The following SYTL3 variants were observed in gnomAD, a reference collection of about 807,000 sequenced individuals.
SYTL3 encodes the protein synaptotagmin like 3, also known as synaptotagmin-like protein 3.
A neutral mutation model predicts 82.1 loss-of-function variants in SYTL3; 88 were observed. That is an observed-to-expected ratio of 1.07 (90% CI 0.90 to 1.28). The LOEUF (loss-of-function observed/expected upper bound fraction) is 1.28. SYTL3 is among the 50% of genes most tolerant of loss of function. The probability of loss-of-function intolerance (pLI) is 0.00; values close to 1 mark genes in which losing one functional copy is unlikely to be tolerated. For missense variants in SYTL3, 831 were observed against 757.6 expected, an observed-to-expected ratio of 1.10 and a Z score of -1.14; for synonymous variants, 311 against 289.4, an observed-to-expected ratio of 1.07 and a Z score of -0.76.
At chr6:158,648,749 G>A (rs902346236), upstream of SYTL3, among the ~76,000 whole-genome samples, 3 of 151,908 alleles carry the variant, frequency 2.0e-5, no homozygotes, top group African/African-American at 7.3e-5. Flanking sequence ...ATCATGCTGA[G>A]TCAAAATAAT....
chr6:158,663,378 G>C lies in SYTL3; in HGVS notation c.110G>C (p.Arg37Pro), dbSNP rs376260554. The C allele has an allele frequency of 1.2e-6, 2 of 1,613,312 alleles. No homozygotes were observed. The highest frequency in any genetic ancestry group is 1.7e-5 in the Admixed American group (1 of 59,992). Residue 37 changes from arginine (R) to proline (P), a missense_variant and splice_region_variant, in exon 4 of 18, where the codon CGG becomes CCG. Physicochemically the swap from Arg to Pro is moderately radical, Grantham distance 103. Coordinates refer to ENST00000611299, the MANE Select transcript of SYTL3 (RefSeq NM_001242394.2). ...AVQNTEEERT[R>P]KLKTHLQHLR... ...CAAAACACAGAGGAGGAGAGGACAC[G>C]GTAGGCTGCCCTTCCCGGGGGGTCA...
At position 158,651,815 on chromosome 6, in the gene SYTL3, GCGCC is replaced by G. The variant is rs1788053475; in HGVS notation, c.-663_-660del. 1.3e-5 allele frequency: 2 copies of G among 152,004 alleles called. No individual in the cohort carries two copies. The highest frequency in any genetic ancestry group is 2.1e-4 in the South Asian group (1 of 4,824). 9.4% of individuals were successfully genotyped at this position (152,004 alleles called of 1,614,324 possible). A position where few individuals can be genotyped will look rare whatever the true frequency, so the allele number is the denominator to read the frequency against. On this transcript the variant is annotated 5_prime_UTR_variant, in exon 2 of 18. Transcript: ENST00000611299. ...GAATTGCAGTGATCTTTCAGAGAAAGCGCCTGTTCAACTTTGTCCTCTCTCAGGT... is the reference window on the plus strand; with the variant it reads ...GAATTGCAGTGATCTTTCAGAGAAAGTGTTCAACTTTGTCCTCTCTCAGGT...
chr6:158,689,916 A>C (rs556502496), intron 6 of SYTL3, among the ~76,000 whole-genome samples: 1 of 152,204 alleles, frequency 6.6e-6, no homozygotes, highest in Non-Finnish European at 1.5e-5. Flanking sequence ...GGCCTCCCAA[A>C]GTGCTGGGAT....
intron 11 of SYTL3, among the ~76,000 whole-genome samples, chr6:158,731,567 C>T (rs527399993): frequency 4.6e-5 from 7 of 151,936 alleles, no homozygotes; most frequent in South Asian, 2.1e-4. Context: ...TCTTTTCTTC[C>T]CTTTACTTCC....
chr6:158,685,494 C>A (rs1779198757), intron 6 of SYTL3, among the ~76,000 whole-genome samples: 1 of 151,250 alleles, frequency 6.6e-6, no homozygotes, highest in African/African-American at 2.4e-5. Flanking sequence ...AGGTATGAGG[C>A]ACTTCACCCG....
intron 6 of SYTL3, among the ~76,000 whole-genome samples, chr6:158,697,277 GAAA>G (rs35335929): frequency 2.1e-5 from 2 of 94,486 alleles, no homozygotes; most frequent in African/African-American, 7.7e-5. Context: ...CATCTCTACG[GAAA>G]AAAAAAAAAA....
At chr6:158,752,955 G>A (rs1037009540) in intron 13 of SYTL3, among the ~76,000 whole-genome samples, 3 of 152,018 alleles carry the variant, frequency 2.0e-5, no homozygotes, top group Non-Finnish European at 4.4e-5. Flanking sequence ...TTACCCACGG[G>A]GAAACTGAGA....
intron 5 of SYTL3, among the ~76,000 whole-genome samples, chr6:158,674,533 A>G (rs1777808982): frequency 6.6e-6 from 1 of 152,222 alleles, no homozygotes; most frequent in African/African-American, 2.4e-5. Flanking sequence ...TTAGAAAGCC[A>G]GGTTGAGCGG....
At chr6:158,705,147 A>G (rs1169959365) in intron 6 of SYTL3, among the ~76,000 whole-genome samples, 10 of 61,038 alleles carry the variant, frequency 1.6e-4, no homozygotes, top group African/African-American at 4.3e-4. Context: ...GTAAGGCCAC[A>G]TAGGGCAGGA....
At chr6:158,692,977 T>C (rs59509875) in intron 6 of SYTL3, among the ~76,000 whole-genome samples, 23,074 of 151,282 alleles carry the variant, frequency 0.15, 2,614 homozygotes, top group African/African-American at 0.32. Context: ...AAAGCAGGTG[T>C]CAGTCAATAC....
intron 9 of SYTL3, 23 bp from the exon 10 acceptor site, chr6:158,718,064 C>T: frequency 6.7e-7 from 1 of 1,499,746 alleles, no homozygotes; most frequent in Non-Finnish European, 8.9e-7. Flanking sequence ...TCCCACCCAT[C>T]AACCCTTGTG....
intron 5 of SYTL3, among the ~76,000 whole-genome samples, chr6:158,666,321 C>T (rs1048738040): frequency 6.6e-6 from 1 of 152,178 alleles, no homozygotes; most frequent in Non-Finnish European, 1.5e-5. Context: ...GGACATGCTT[C>T]CCTTTAGTGA....
chr6:158,656,675 A>C (rs1434277127), intron 2 of SYTL3, among the ~76,000 whole-genome samples: 1 of 151,784 alleles, frequency 6.6e-6, no homozygotes, highest in East Asian at 1.9e-4. Flanking sequence ...CAGTGAGTGG[A>C]GATTGTGCCA....
At position 158,724,333 on chromosome 6, in the gene SYTL3, A is replaced by AG. The variant is rs574166271; in HGVS notation, c.721-1168dup. On this transcript the variant is annotated intron_variant, in intron 10 of 17. Coordinates refer to ENST00000611299, the MANE Select transcript of SYTL3 (RefSeq NM_001242394.2). ...GGGATGGAAAGCATAAATAATTTGGAGGTAATCCTTTCTTTCATTTGTTCT... is the reference window on the plus strand; with the variant it reads ...GGGATGGAAAGCATAAATAATTTGGAGGGTAATCCTTTCTTTCATTTGTTCT... Among the ~76,000 whole-genome samples, 12 of 152,316 alleles carry AG rather than the reference A, an allele frequency of 7.9e-5. No individual in the cohort carries two copies. The East Asian group carries it at 2.1e-3, about 27-fold the overall frequency.
At chr6:158,674,085 AAATAATAAT>A (rs71298903) in intron 5 of SYTL3, among the ~76,000 whole-genome samples, 42 of 126,048 alleles carry the variant, frequency 3.3e-4, no homozygotes, top group African/African-American at 6.8e-4. Context: ...CTGTGTCTCA[AAATAATAAT>A]AATAATAATA....
At chr6:158,704,751 C>T (rs753588500) in intron 6 of SYTL3, among the ~76,000 whole-genome samples, 2 of 152,274 alleles carry the variant, frequency 1.3e-5, no homozygotes, top group African/African-American at 4.8e-5. Flanking sequence ...CTCAGATTCT[C>T]TAAGAGGGAT....
chr6:158,663,909 C>T (rs572213161), intron 4 of SYTL3, among the ~76,000 whole-genome samples: 2 of 152,210 alleles, frequency 1.3e-5, no homozygotes, highest in South Asian at 4.1e-4. Context: ...ACCTGCTTAG[C>T]CTGTTTCCTG....
rs1790594411 is a variant in SYTL3 at position 158,764,816 on chromosome 6, C to T, written c.*212C>T. The T allele has an allele frequency of 6.7e-6, 3 of 446,102 alleles. No individual in the cohort carries two copies. The highest frequency in any genetic ancestry group is 8.0e-6 in the Non-Finnish European group (2 of 249,956). The allele number at this position is 446,102 out of a possible 1,614,324, so 27.6% of individuals were successfully genotyped here. The stretch of plus-strand genomic sequence containing the variant: ...GTTACCTAAGCCTCTGGTGGGTTAT[C>T]TCCTCTTTGAGATGTAGAAAATGGC... On this transcript the variant is annotated 3_prime_UTR_variant, in exon 18 of 18. Transcript: ENST00000611299.
At chr6:158,704,529 C>T (rs1266759869) in intron 6 of SYTL3, among the ~76,000 whole-genome samples, 3 of 152,228 alleles carry the variant, frequency 2.0e-5, no homozygotes, top group Non-Finnish European at 4.4e-5. Flanking sequence ...CAGGAGGAGA[C>T]GAGGTGGGGG....
Sources: gnomAD v4.1 joint callset for allele counts (sites outside exome capture counted in the v4.1 genomes callset) on GRCh38, gnomAD v4.1.1 for gene constraint, MANE v1.5 for transcripts, NCBI Gene and HGNC (gene_info 2026-07-23, HGNC 2026-07-21) for gene names.